ACO1: variants seen among roughly 807,000 people sequenced by gnomAD.
ACO1 encodes the protein cytoplasmic aconitate hydratase.
Under a neutral mutation model 105.1 loss-of-function variants are expected in ACO1, and 78 were observed. That is an observed-to-expected ratio of 0.74 (90% CI 0.62 to 0.90). The LOEUF (loss-of-function observed/expected upper bound fraction) is 0.90. Ranked by LOEUF, ACO1 falls within the 40% of genes least tolerant of loss-of-function variation. The pLI, the probability that ACO1 is intolerant of heterozygous loss-of-function variation, is 0.00. For synonymous variants in ACO1, 364 were observed against 397.4 expected, an observed-to-expected ratio of 0.92 and a Z score of 1.00; for missense variants, 965 against 1,111.1, an observed-to-expected ratio of 0.87 and a Z score of 1.87.
At chr9:32,433,295 G>A (rs1192581998) in intron 15 of ACO1, among the ~76,000 whole-genome samples, 1 of 152,096 alleles carries the variant, frequency 6.6e-6, no homozygotes, top group Non-Finnish European at 1.5e-5. Context: ...GTGCAGTAGT[G>A]TCATCATAGC....
At chr9:32,444,680 CCTT>C (rs1313315213) in intron 19 of ACO1, among the ~76,000 whole-genome samples, 1 of 152,116 alleles carries the variant, frequency 6.6e-6, no homozygotes, top group Admixed American at 6.6e-5. Context: ...GAGAGGGCAT[CCTT>C]CTCTTGTGCC....
At chr9:32,396,903 A>G (rs1023004939) in intron 1 of ACO1, among the ~76,000 whole-genome samples, 1 of 152,130 alleles carries the variant, frequency 6.6e-6, no homozygotes, top group Non-Finnish European at 1.5e-5. Context: ...TCGTTAACCA[A>G]CCTTATTTAT....
intron 2 of ACO1, 119 bp downstream of exon 2, chr9:32,405,722 G>A (rs1821596352): frequency 1.4e-6 from 1 of 707,322 alleles, no homozygotes; most frequent in Non-Finnish European, 2.3e-6. Context: ...GAATGTTCTT[G>A]GATTAAGTGC....
At chr9:32,407,060 G>T (rs1587522654) in intron 2 of ACO1, among the ~76,000 whole-genome samples, 1 of 152,202 alleles carries the variant, frequency 6.6e-6, no homozygotes, top group South Asian at 2.1e-4. Context: ...GGGATTACAG[G>T]CATGAGCCAC....
chr9:32,410,993 A>G (rs1374514830), intron 4 of ACO1, among the ~76,000 whole-genome samples: 3 of 152,008 alleles, frequency 2.0e-5, no homozygotes, highest in Non-Finnish European at 4.4e-5. Flanking sequence ...GCTAAAGGAG[A>G]AAGCAGCTGT....
rs1822783322 is a variant in ACO1 at position 32,452,204 on chromosome 9, T to TG, written c.*2094dup. The TG allele has an allele frequency of 6.6e-6, 1 of 152,280 alleles. No individual in the cohort carries two copies. The highest frequency in any genetic ancestry group is 1.5e-5 in the Non-Finnish European group (1 of 68,060). The allele number at this position is 152,280 out of a possible 1,614,324, so 9.4% of individuals were successfully genotyped here. Reference sequence around the variant, plus strand: ...CTCCACCCTCTCAGCTCTCCATTACTGAGCAGCTGGGGAGCTGTCTCGCTC... The same window carrying TG: ...CTCCACCCTCTCAGCTCTCCATTACTGGAGCAGCTGGGGAGCTGTCTCGCTC... On this transcript the variant is annotated 3_prime_UTR_variant, in exon 21 of 21. Coordinates refer to ENST00000309951, the MANE Select transcript of ACO1 (RefSeq NM_002197.3).
intron 20 of ACO1, among the ~76,000 whole-genome samples, chr9:32,449,602 A>C (rs1376720778): frequency 6.6e-6 from 1 of 152,200 alleles, no homozygotes; most frequent in African/African-American, 2.4e-5. Context: ...CAGATGGGCC[A>C]GCTGCCTAAG....
intron 1 of ACO1, among the ~76,000 whole-genome samples, chr9:32,391,224 G>T (rs1275251805): frequency 6.6e-6 from 1 of 152,184 alleles, no homozygotes; most frequent in Non-Finnish European, 1.5e-5. Flanking sequence ...AATCTGCAAA[G>T]AAGTAAACTA....
chr9:32,441,992 A>G (rs1175091714), intron 19 of ACO1, among the ~76,000 whole-genome samples: 2 of 152,164 alleles, frequency 1.3e-5, no homozygotes, highest in Non-Finnish European at 2.9e-5. Flanking sequence ...GAATACATCC[A>G]TCTATCCCTA....
intron 4 of ACO1, among the ~76,000 whole-genome samples, chr9:32,411,533 T>TA (rs1346310162): frequency 1.4e-4 from 22 of 152,182 alleles, no homozygotes; most frequent in South Asian, 8.3e-4. Context: ...GGAGTGTCTA[T>TA]AATCCATTTA....
chr9:32,420,853 T>C lies in ACO1; in HGVS notation c.799-3T>C, dbSNP rs750477869. 6.2e-6 allele frequency: 10 copies of C among 1,612,688 alleles called. No homozygotes were observed. Among genetic ancestry groups the C allele is most frequent in the Non-Finnish European group, 8.5e-6 (10 of 1,179,056 alleles). ...AAACTTTTCTGTTGTTTCTGCTGCT[T>C]AGCACCTCCGCCAGGTTGGGGTAGT... On this transcript the variant is annotated splice_region_variant and splice_polypyrimidine_tract_variant and intron_variant, in intron 7 of 20. Transcript: ENST00000309951.
intron 1 of ACO1, chr9:32,386,432 G>C (rs1160850678): frequency 6.6e-6 from 1 of 152,232 alleles, no homozygotes; most frequent in Non-Finnish European, 1.5e-5. Flanking sequence ...CACCATCCTG[G>C]AGTGTGGTAG....
chr9:32,428,606 A>C (rs1822153375), intron 12 of ACO1, among the ~76,000 whole-genome samples: 1 of 152,200 alleles, frequency 6.6e-6, no homozygotes, highest in Non-Finnish European at 1.5e-5. Context: ...TGGGAGGCTG[A>C]GGCAGGCAGA....
chr9:32,395,321 CA>C (rs1471368779), intron 1 of ACO1, among the ~76,000 whole-genome samples: 1 of 152,148 alleles, frequency 6.6e-6, no homozygotes, highest in East Asian at 1.9e-4. Flanking sequence ...ACTAAAAATA[CA>C]AAAATTAGCC....
intron 19 of ACO1, among the ~76,000 whole-genome samples, chr9:32,447,745 G>T (rs902394411): frequency 1.3e-5 from 2 of 152,094 alleles, no homozygotes; most frequent in Non-Finnish European, 2.9e-5. Flanking sequence ...CTTCGGATGG[G>T]GTCTCTGAGT....
chr9:32,441,498 T>A (rs1822478960), intron 19 of ACO1, among the ~76,000 whole-genome samples: 1 of 152,240 alleles, frequency 6.6e-6, no homozygotes, highest in Non-Finnish European at 1.5e-5. Flanking sequence ...TGATAATGTC[T>A]TTGAACATCA....
intron 4 of ACO1, among the ~76,000 whole-genome samples, chr9:32,417,696 A>G (rs1447581939): frequency 6.6e-6 from 1 of 152,214 alleles, no homozygotes; most frequent in African/African-American, 2.4e-5. Flanking sequence ...CTGTCTCCCA[A>G]CATAAAGAGA....
intron 17 of ACO1, 119 bp from the exon 18 acceptor site, chr9:32,436,131 T>G: frequency 4.4e-6 from 6 of 1,358,040 alleles, no homozygotes; most frequent in Non-Finnish European, 6.2e-6. Flanking sequence ...CTTAGGAGAC[T>G]TAGAGAAATA....
chr9:32,449,753 C>T (rs915825283), intron 20 of ACO1, among the ~76,000 whole-genome samples: 1 of 152,176 alleles, frequency 6.6e-6, no homozygotes, highest in East Asian at 1.9e-4. Flanking sequence ...CTCTCACCCC[C>T]ATCATTTACA....
Sources: gnomAD v4.1 joint callset for allele counts (sites outside exome capture counted in the v4.1 genomes callset) on GRCh38, gnomAD v4.1.1 for gene constraint, MANE v1.5 for transcripts, NCBI Gene and HGNC (gene_info 2026-07-23, HGNC 2026-07-21) for gene names.